TAF4B: variants seen among roughly 807,000 people sequenced by gnomAD.
The protein encoded by TAF4B is TATA-box binding protein associated factor 4b, also known as transcription initiation factor TFIID subunit 4B.
In TAF4B, 38 loss-of-function variants were observed where a neutral mutation model predicts 86.4. The observed-to-expected ratio is 0.44, with a 90% confidence interval of 0.34 to 0.58. TAF4B has a LOEUF of 0.58. TAF4B is among the 20% of genes least tolerant of loss of function. TAF4B has a pLI of 0.02. For synonymous variants in TAF4B, 388 were observed against 391.2 expected, an observed-to-expected ratio of 0.99 and a Z score of 0.10; for missense variants, 988 against 1,027.6, an observed-to-expected ratio of 0.96 and a Z score of 0.53.
At chr18:26,237,686 G>T (rs1342373051) in intron 1 of TAF4B, among the ~76,000 whole-genome samples, 1 of 152,144 alleles carries the variant, frequency 6.6e-6, no homozygotes, top group Non-Finnish European at 1.5e-5. Context: ...AAGCTTGGAC[G>T]TAAGATACCT....
chr18:26,272,121 G>A (rs2056327224), intron 3 of TAF4B, among the ~76,000 whole-genome samples: 1 of 152,060 alleles, frequency 6.6e-6, no homozygotes, highest in Non-Finnish European at 1.5e-5. Context: ...ATCTTCCTGA[G>A]GCTCCACCCC....
At chr18:26,389,644 G>A (rs1445725322) in intron 14 of TAF4B, among the ~76,000 whole-genome samples, 1 of 152,338 alleles carries the variant, frequency 6.6e-6, no homozygotes, top group Admixed American at 6.5e-5. Context: ...GAGCAGGAAA[G>A]AATGAATGAG....
intron 1 of TAF4B, 132 bp downstream of exon 1, chr18:26,227,408 T>C: frequency 1.3e-6 from 1 of 790,044 alleles, no homozygotes. Flanking sequence ...ACAGTTAACA[T>C]ATTCTTTTTG....
chr18:26,237,795 G>T (rs933795472), intron 1 of TAF4B, among the ~76,000 whole-genome samples: 1 of 152,148 alleles, frequency 6.6e-6, no homozygotes, highest in Non-Finnish European at 1.5e-5. Flanking sequence ...ATCAGAGAGA[G>T]AATACTGGGG....
At chr18:26,379,604 G>C (rs910166244) in intron 14 of TAF4B, among the ~76,000 whole-genome samples, 26 of 152,118 alleles carry the variant, frequency 1.7e-4, no homozygotes, top group African/African-American at 6.3e-4. Flanking sequence ...TAACAGTTTA[G>C]AAATCAGATA....
chr18:26,260,470 GA>G (rs2056148313), intron 1 of TAF4B, among the ~76,000 whole-genome samples: 1 of 152,152 alleles, frequency 6.6e-6, no homozygotes. Flanking sequence ...AAGGTATAAG[GA>G]AGGGATCCAG....
At position 26,278,944 on chromosome 18, in the gene TAF4B, G is replaced by A. The variant is rs1221265919; in HGVS notation, c.883-3027G>A. The stretch of plus-strand genomic sequence containing the variant: ...CCAACATCATATTGAATGGGCAGAA[G>A]CTCGAACCATTTCCCTTGAGAATTG... On this transcript the variant is annotated intron_variant, in intron 5 of 14. Coordinates refer to ENST00000269142, the MANE Select transcript of TAF4B (RefSeq NM_005640.3). Among the ~76,000 whole-genome samples the A allele has an allele frequency of 2.6e-5, 4 of 151,728 alleles. No individual in the cohort carries two copies. The South Asian group carries it at 6.2e-4, about 24-fold the overall frequency.
chr18:26,314,866 G>A lies in TAF4B; in HGVS notation c.1833-363G>A, dbSNP rs1404279754. Among the ~76,000 whole-genome samples the A allele has an allele frequency of 2.6e-5, 4 of 152,170 alleles. No individual in the cohort carries two copies. In the East Asian group the frequency reaches 7.7e-4, roughly 29 times the overall value. ...CTTGGTGTAACTCCAAATGCCTCTT[G>A]GTGTTTCTTATTTGCCAGACTGAGA... On this transcript the variant is annotated intron_variant, in intron 9 of 14. Transcript: ENST00000269142.
In TAF4B at chr18:26,282,017, A is replaced by G. The variant is rs781080449; in HGVS notation, c.929A>G (p.Glu310Gly). ...AEEFTRKLYV[E>G]LKSSPQPHLV... ...GAATTTACTAGGAAACTGTATGTTG[A>G]ACTCAAGTCTTCACCTCAGCCTCAC... The change falls in exon 6 of 15, where the codon GAA becomes GGA. Residue 310 changes from glutamate (E) to glycine (G), a missense_variant. Around this residue, in one of 3 missense-constraint regions of TAF4B, gnomAD observed 747 missense variants for 737.9 expected, o/e 1.01. Coordinates refer to ENST00000269142, the MANE Select transcript of TAF4B (RefSeq NM_005640.3). The G allele has an allele frequency of 1.9e-6, 3 of 1,613,574 alleles. No individual in the cohort carries two copies. The East Asian group carries it at 6.7e-5, about 36-fold the overall frequency.
At chr18:26,335,081 C>T in intron 12 of TAF4B, 94 bp from the exon 13 acceptor site, 3 of 909,380 alleles carry the variant, frequency 3.3e-6, no homozygotes, top group Non-Finnish European at 5.1e-6. Flanking sequence ...GATATTCAAT[C>T]ACAAGAGAAA....
At chr18:26,319,779 G>A (rs1442021336) in intron 10 of TAF4B, among the ~76,000 whole-genome samples, 2 of 151,924 alleles carry the variant, frequency 1.3e-5, no homozygotes, top group African/African-American at 4.8e-5. Context: ...TAGTAGAGAC[G>A]GGGTTTCACC....
At chr18:26,370,011 C>T (rs2057396484) in intron 14 of TAF4B, among the ~76,000 whole-genome samples, 1 of 152,160 alleles carries the variant, frequency 6.6e-6, no homozygotes, top group South Asian at 2.1e-4. Context: ...AGTGGCAAAA[C>T]TTGTAGACAG....
intron 1 of TAF4B, among the ~76,000 whole-genome samples, chr18:26,243,660 C>T (rs577804271): frequency 5.9e-5 from 9 of 152,166 alleles, no homozygotes; most frequent in Non-Finnish European, 8.8e-5. Context: ...GGAGAAAAGG[C>T]GCTCTGAATT....
chr18:26,260,461 A>T, intron 1 of TAF4B, among the ~76,000 whole-genome samples: 1 of 152,184 alleles, frequency 6.6e-6, no homozygotes, highest in Non-Finnish European at 1.5e-5. Context: ...GTTTTGTATA[A>T]GGTATAAGGA....
Position 26,267,501 on chromosome 18 carries a change from C to G in TAF4B, c.490-15C>G. 6.3e-7 allele frequency: 1 copy of G among 1,586,410 alleles called. No individual in the cohort carries two copies. Among genetic ancestry groups the G allele is most frequent in the Non-Finnish European group, 8.7e-7 (1 of 1,154,872 alleles). ...CTAATGACTTTGTGTTATCTTGCTCCCCTCCACCGCCAAGAACTCTAGCTC... is the reference window on the plus strand; with the variant it reads ...CTAATGACTTTGTGTTATCTTGCTCGCCTCCACCGCCAAGAACTCTAGCTC... On this transcript the variant is annotated splice_polypyrimidine_tract_variant and intron_variant, in intron 2 of 14. Coordinates refer to ENST00000269142, the MANE Select transcript of TAF4B (RefSeq NM_005640.3).
chr18:26,319,409 A>G (rs1377264921), intron 10 of TAF4B, among the ~76,000 whole-genome samples: 1 of 151,554 alleles, frequency 6.6e-6, no homozygotes, highest in East Asian at 1.9e-4. Flanking sequence ...CTGAGGCAGG[A>G]ATGTTGCTTG....
intron 12 of TAF4B, among the ~76,000 whole-genome samples, chr18:26,328,233 G>T (rs1008164365): frequency 6.6e-6 from 1 of 152,086 alleles, no homozygotes; most frequent in Non-Finnish European, 1.5e-5. Flanking sequence ...GGCGGATCAC[G>T]AGGTCAGGAG....
chr18:26,241,051 TG>T (rs2055830866), intron 1 of TAF4B, among the ~76,000 whole-genome samples: 1 of 152,184 alleles, frequency 6.6e-6, no homozygotes, highest in African/African-American at 2.4e-5. Flanking sequence ...TTCTCTTTTT[TG>T]GTTGTGTCTC....
chr18:26,380,912 C>G (rs2057473932), intron 14 of TAF4B, among the ~76,000 whole-genome samples: 2 of 151,870 alleles, frequency 1.3e-5, no homozygotes, highest in South Asian at 4.2e-4. Context: ...TTTAATTTTC[C>G]CAGTTTTTTT....
Sources: gnomAD v4.1 joint callset for allele counts (sites outside exome capture counted in the v4.1 genomes callset) on GRCh38, gnomAD v4.1.1 for gene constraint, gnomAD v4.1.1 regional missense constraint, MANE v1.5 for transcripts, NCBI Gene and HGNC (gene_info 2026-07-23, HGNC 2026-07-21) for gene names.